The following ZBTB20 variants were observed in gnomAD, a reference collection of about 807,000 sequenced individuals.
ZBTB20 encodes the protein zinc finger and BTB domain-containing protein 20.
In ZBTB20, 9 loss-of-function variants were observed where a neutral mutation model predicts 56.9. The observed-to-expected ratio is 0.16, with a 90% CI of 0.10 to 0.28. ZBTB20 has a LOEUF of 0.28. Among genes scored for constraint, ZBTB20 ranks in the 10% least tolerant of loss-of-function variants. The probability of loss-of-function intolerance (pLI) is 1.00; values close to 1 mark genes in which losing one functional copy is unlikely to be tolerated. For synonymous variants in ZBTB20, 417 were observed against 420.7 expected (o/e 0.99, Z 0.11); for missense variants, 655 against 1,003.0 (o/e 0.65, Z 4.69).
At chr3:114,963,494 A>G (rs890031518) in intron 3 of ZBTB20, among the ~76,000 whole-genome samples, 1 of 152,154 alleles carries the variant, frequency 6.6e-6, no homozygotes, top group African/African-American at 2.4e-5. Flanking sequence ...TACCGCAACC[A>G]CATCTTTCTT....
chr3:114,567,620 T>G (rs529998544), intron 6 of ZBTB20, among the ~76,000 whole-genome samples: 35 of 152,262 alleles, frequency 2.3e-4, no homozygotes, highest in African/African-American at 8.4e-4. Flanking sequence ...AAAGTGAATA[T>G]GCCTTTCATT....
rs1553778290 is a variant in ZBTB20, at chr3:114,315,568, A to AGAGTGTGT, written c.*23436_*23437insACACACTC. 30,119 of 147,556 alleles carry AGAGTGTGT rather than the reference A, an allele frequency of 0.2. 3,151 individuals carry two copies. Among genetic ancestry groups the AGAGTGTGT allele is most frequent in the East Asian group, 0.35 (1,734 of 5,010 alleles). 9.1% of individuals were successfully genotyped at this position (147,556 alleles called of 1,614,324 possible). A position where few individuals can be genotyped will look rare whatever the true frequency, so the allele number is the denominator to read the frequency against. ...GTGTGTATTTTAGGTCTAAACATAC[A>AGAGTGTGT]GTGTGTGTGTGTGTGTGTGTGTGTG... On this transcript the variant is annotated 3_prime_UTR_variant, in exon 12 of 12. Transcript: ENST00000675478.
intron 4 of ZBTB20, among the ~76,000 whole-genome samples, chr3:114,864,267 T>C (rs945067684): frequency 4.5e-4 from 68 of 152,220 alleles, no homozygotes; most frequent in African/African-American, 1.5e-3. Context: ...TCCATTGACA[T>C]TGTCTCCATC....
At chr3:114,727,742 G>A (rs2065415738) in intron 5 of ZBTB20, among the ~76,000 whole-genome samples, 1 of 152,056 alleles carries the variant, frequency 6.6e-6, no homozygotes, top group South Asian at 2.1e-4. Context: ...GATTTAAAAT[G>A]TTCAAAACTC....
At chr3:115,137,774 T>C (rs946679849) in intron 1 of ZBTB20, among the ~76,000 whole-genome samples, 8 of 152,096 alleles carry the variant, frequency 5.3e-5, no homozygotes, top group African/African-American at 7.2e-5. Flanking sequence ...TTTTTGAAAA[T>C]TGGACAGCAA....
chr3:114,868,957 A>T (rs758000308), intron 4 of ZBTB20, among the ~76,000 whole-genome samples: 4 of 152,076 alleles, frequency 2.6e-5, no homozygotes, highest in Non-Finnish European at 5.9e-5. Context: ...ATATGATAAG[A>T]ATGTTTGTTC....
intron 11 of ZBTB20, among the ~76,000 whole-genome samples, chr3:114,344,424 C>G (rs2080033686): frequency 6.6e-6 from 1 of 152,176 alleles, no homozygotes. Flanking sequence ...GATTATCTTC[C>G]TCTCCCTTGT....
At chr3:114,592,762 TC>T (rs1415881075) in intron 6 of ZBTB20, among the ~76,000 whole-genome samples, 11 of 152,234 alleles carry the variant, frequency 7.2e-5, no homozygotes, top group Non-Finnish European at 1.2e-4. Flanking sequence ...TCTAATCTAT[TC>T]TTTTGTCCAA....
intron 5 of ZBTB20, among the ~76,000 whole-genome samples, chr3:114,739,409 T>G (rs1424714913): frequency 6.6e-6 from 1 of 152,186 alleles, no homozygotes; most frequent in Non-Finnish European, 1.5e-5. Context: ...CAGATTTCAG[T>G]GTCTCCCATT....
chr3:115,027,712 GA>G (rs1409091567), intron 2 of ZBTB20: 3 of 150,790 alleles, frequency 2.0e-5, no homozygotes, highest in Admixed American at 1.3e-4. Flanking sequence ...CAAATATTCA[GA>G]AAGCATTAAA....
intron 4 of ZBTB20, among the ~76,000 whole-genome samples, chr3:114,898,049 T>C (rs985170053): frequency 7.2e-5 from 11 of 152,248 alleles, no homozygotes; most frequent in Non-Finnish European, 1.2e-4. Flanking sequence ...ATTATAAACA[T>C]GTATACAGTA....
intron 3 of ZBTB20, among the ~76,000 whole-genome samples, chr3:114,943,385 C>A (rs2076783004): frequency 6.9e-6 from 1 of 144,510 alleles, no homozygotes; most frequent in African/African-American, 2.8e-5. Context: ...AATCAAAGAA[C>A]CAAAACAAAG....
At chr3:114,890,814 G>GAAAAACATT (rs2076779721) in intron 4 of ZBTB20, among the ~76,000 whole-genome samples, 1 of 152,124 alleles carries the variant, frequency 6.6e-6, no homozygotes, top group Non-Finnish European at 1.5e-5. Context: ...TGGCGGAGGA[G>GAAAAACATT]AAAAACATTA....
At chr3:115,046,104 T>C (rs568879250) in intron 2 of ZBTB20, among the ~76,000 whole-genome samples, 1 of 152,308 alleles carries the variant, frequency 6.6e-6, no homozygotes, top group African/African-American at 2.4e-5. Context: ...TCACTGGGAT[T>C]AATACTGAAT....
At chr3:114,988,132 A>G (rs1347487239) in intron 2 of ZBTB20, among the ~76,000 whole-genome samples, 2 of 142,908 alleles carry the variant, frequency 1.4e-5, no homozygotes, top group Non-Finnish European at 3.0e-5. Flanking sequence ...GTTCTAGGGT[A>G]CATGTGCACA....
intron 3 of ZBTB20, among the ~76,000 whole-genome samples, chr3:114,924,862 T>C (rs2076092126): frequency 6.6e-6 from 1 of 152,022 alleles, no homozygotes; most frequent in Non-Finnish European, 1.5e-5. Flanking sequence ...TTTCTATTGA[T>C]CTATCTTTAA....
At chr3:114,784,561 T>C (rs2070354023) in intron 5 of ZBTB20, among the ~76,000 whole-genome samples, 1 of 152,228 alleles carries the variant, frequency 6.6e-6, no homozygotes, top group Non-Finnish European at 1.5e-5. Context: ...TTCACTATCA[T>C]CTGCTGGACT....
intron 4 of ZBTB20, among the ~76,000 whole-genome samples, chr3:114,868,863 G>C (rs1235084301): frequency 6.6e-6 from 1 of 152,164 alleles, no homozygotes; most frequent in Non-Finnish European, 1.5e-5. Flanking sequence ...GCAGGTGGAA[G>C]AGGGAAGAGG....
At chr3:114,524,666 G>A (rs999347951) in intron 6 of ZBTB20, among the ~76,000 whole-genome samples, 5 of 152,012 alleles carry the variant, frequency 3.3e-5, no homozygotes, top group Non-Finnish European at 5.9e-5. Flanking sequence ...TATCACCTGT[G>A]TCTACCCTTT....
Sources: allele counts gnomAD v4.1 joint callset (sites outside exome capture counted in the v4.1 genomes callset), GRCh38; gene constraint gnomAD v4.1.1; transcripts MANE v1.5; gene names NCBI Gene and HGNC (gene_info 2026-07-23, HGNC 2026-07-21).